GLIS3: variants seen among roughly 807,000 people sequenced by gnomAD.
GLIS3 encodes zinc finger protein GLIS3.
In GLIS3, 53 loss-of-function variants were observed where a neutral mutation model predicts 78.6. That is an observed-to-expected ratio of 0.67 (90% CI 0.54 to 0.85). The LOEUF is 0.85. Among genes scored for constraint, GLIS3 ranks in the 40% least tolerant of loss-of-function variants. The probability of loss-of-function intolerance (pLI) is 0.00; values close to 1 mark genes in which losing one functional copy is unlikely to be tolerated. For synonymous variants in GLIS3, 684 were observed against 509.9 expected (o/e 1.34, Z -4.60); for missense variants, 1,703 against 1,231.1 (o/e 1.38, Z -5.74).
intron 2 of GLIS3, among the ~76,000 whole-genome samples, chr9:4,315,675 T>C (rs1005524749): frequency 1.3e-5 from 2 of 152,042 alleles, no homozygotes; most frequent in African/African-American, 4.8e-5. Flanking sequence ...CAAAACACAG[T>C]GGGGACTGGA....
At chr9:4,014,382 T>TA (rs1186283300) in intron 4 of GLIS3, among the ~76,000 whole-genome samples, 2 of 152,074 alleles carry the variant, frequency 1.3e-5, no homozygotes, top group East Asian at 3.8e-4. Context: ...TATTTAGAAA[T>TA]AGAGTCTCTG....
At chr9:4,292,930 C>T (rs1286980198) in intron 1 of GLIS3, among the ~76,000 whole-genome samples, 1 of 152,196 alleles carries the variant, frequency 6.6e-6, no homozygotes, top group Non-Finnish European at 1.5e-5. Flanking sequence ...CTGATGATGT[C>T]ACTGCTGAAT....
intron 6 of GLIS3, among the ~76,000 whole-genome samples, chr9:3,926,043 C>T (rs1471010571): frequency 6.6e-6 from 1 of 152,172 alleles, no homozygotes; most frequent in African/African-American, 2.4e-5. Context: ...CTATGCTTTT[C>T]ACTGTCTAGC....
At chr9:4,261,239 G>C (rs534313986) in intron 2 of GLIS3, among the ~76,000 whole-genome samples, 4 of 152,262 alleles carry the variant, frequency 2.6e-5, no homozygotes, top group East Asian at 1.9e-4. Context: ...GCTCCACTCA[G>C]GTGCAGAATA....
At chr9:3,891,194 A>G (rs1659394935) in intron 7 of GLIS3, among the ~76,000 whole-genome samples, 2 of 152,080 alleles carry the variant, frequency 1.3e-5, no homozygotes, top group African/African-American at 4.8e-5. Context: ...TATAGTATTT[A>G]GATAAAAGCA....
chr9:3,852,712 G>C (rs949248599), intron 9 of GLIS3, among the ~76,000 whole-genome samples: 1 of 151,968 alleles, frequency 6.6e-6, no homozygotes, highest in African/African-American at 2.4e-5. Flanking sequence ...GCTACATCTG[G>C]ATACCTACCA....
intron 2 of GLIS3, among the ~76,000 whole-genome samples, chr9:4,248,244 C>G (rs1823994210): frequency 6.6e-6 from 1 of 152,076 alleles, no homozygotes; most frequent in Non-Finnish European, 1.5e-5. Flanking sequence ...CCCCAGCCCC[C>G]CATCCCCCAA....
intron 2 of GLIS3, among the ~76,000 whole-genome samples, chr9:4,197,954 G>T (rs1305055997): frequency 6.6e-6 from 1 of 151,074 alleles, no homozygotes; most frequent in South Asian, 2.1e-4. Flanking sequence ...AAGAGAAAGA[G>T]ACAAAAAGAA....
Position 4,125,975 on chromosome 9 carries a change from C to T in GLIS3, c.389-34G>A, listed in dbSNP as rs768218094. The T allele has an allele frequency of 2.6e-6, 4 of 1,512,690 alleles. No individual in the cohort carries two copies. The East Asian group carries it at 9.0e-5, about 34-fold the overall frequency. The allele number at this position is 1,512,690 out of a possible 1,614,324, so 93.7% of individuals were successfully genotyped here. ...AAATGAATCAGGTTAGCTTTCATGT[C>T]CCTTACATCAGAAATCAGTAAATAC... On this transcript the variant is annotated intron_variant, in intron 2 of 10. Coordinates refer to ENST00000381971, the MANE Select transcript of GLIS3 (RefSeq NM_001042413.2).
intron 2 of GLIS3, among the ~76,000 whole-genome samples, chr9:4,146,736 C>A (rs1294126055): frequency 1.3e-5 from 2 of 152,166 alleles, no homozygotes; most frequent in Non-Finnish European, 2.9e-5. Flanking sequence ...TATTCTCCAT[C>A]CTAAATATGC....
chr9:4,000,949 G>T (rs1416162313), intron 4 of GLIS3, among the ~76,000 whole-genome samples: 1 of 152,098 alleles, frequency 6.6e-6, no homozygotes, highest in Non-Finnish European at 1.5e-5. Context: ...AAAGCTATAT[G>T]CCAATTTTTC....
intron 4 of GLIS3, among the ~76,000 whole-genome samples, chr9:4,004,960 C>G (rs185650527): frequency 6.6e-6 from 1 of 152,132 alleles, no homozygotes; most frequent in East Asian, 1.9e-4. Context: ...TGAAGCATAG[C>G]GAAGCCAAAG....
intron 2 of GLIS3, among the ~76,000 whole-genome samples, chr9:4,279,874 G>A (rs1400549758): frequency 6.6e-6 from 1 of 150,514 alleles, no homozygotes; most frequent in Non-Finnish European, 1.5e-5. Flanking sequence ...ACAACCAAAG[G>A]TAATATATGA....
intron 4 of GLIS3, among the ~76,000 whole-genome samples, chr9:3,963,395 C>T (rs575119060): frequency 6.6e-6 from 1 of 152,332 alleles, no homozygotes; most frequent in East Asian, 1.9e-4. Flanking sequence ...CCCAGTATCA[C>T]TGGCCCTGCT....
At chr9:3,902,626 G>A (rs569524804) in intron 6 of GLIS3, among the ~76,000 whole-genome samples, 7 of 152,138 alleles carry the variant, frequency 4.6e-5, no homozygotes, top group African/African-American at 1.7e-4. Context: ...ATCACCTGCA[G>A]CGCCCCACCC....
chr9:4,477,023 A>G, the GLIS3 span, among the ~76,000 whole-genome samples: 5 of 152,152 alleles, frequency 3.3e-5, no homozygotes, highest in Admixed American at 3.3e-4. Flanking sequence ...AAAAAATTAA[A>G]TATAGAATTA....
chr9:4,250,342 G>C (rs10814898), intron 2 of GLIS3, among the ~76,000 whole-genome samples: 121,712 of 152,008 alleles, frequency 0.8, 49,379 homozygotes, highest in East Asian at 0.99. Flanking sequence ...GTTTAGTCTT[G>C]AGAGGGTGTA....
At chr9:4,168,210 C>T (rs183268288) in intron 2 of GLIS3, among the ~76,000 whole-genome samples, 3 of 152,094 alleles carry the variant, frequency 2.0e-5, no homozygotes, top group African/African-American at 7.2e-5. Flanking sequence ...CACACACACA[C>T]ATACATACAC....
intron 4 of GLIS3, among the ~76,000 whole-genome samples, chr9:4,022,126 T>C (rs890986811): frequency 1.3e-5 from 2 of 152,070 alleles, no homozygotes; most frequent in African/African-American, 4.8e-5. Context: ...GACCATTAGA[T>C]AGAATTTCTC....
Sources: allele counts gnomAD v4.1 joint callset (sites outside exome capture counted in the v4.1 genomes callset), GRCh38; gene constraint gnomAD v4.1.1; transcripts MANE v1.5; gene names NCBI Gene and HGNC (gene_info 2026-07-23, HGNC 2026-07-21).